Variants in CNTLN observed in about 807,000 individuals in gnomAD.
CNTLN encodes centlein.
CNTLN carries 212 observed loss-of-function variants against 180.0 expected under a neutral mutation model. The observed-to-expected ratio is 1.18, with a 90% CI of 1.05 to 1.32. CNTLN has a LOEUF of 1.32. Ranked by LOEUF, CNTLN falls within the 40% of genes most tolerant of loss-of-function variation. The pLI, the probability that CNTLN is intolerant of heterozygous loss-of-function variation, is 0.00. For synonymous variants in CNTLN, 722 were observed against 563.1 expected (o/e 1.28, Z -3.99); for missense variants, 2,095 against 1,610.9 (o/e 1.30, Z -5.14).
intron 11 of CNTLN, among the ~76,000 whole-genome samples, chr9:17,341,881 T>G (rs889955548): frequency 2.0e-5 from 3 of 152,150 alleles, no homozygotes; most frequent in Admixed American, 6.6e-5. Context: ...TAACTAATCA[T>G]TAGAAGAGTG....
chr9:17,185,859 C>T (rs1410291805), intron 2 of CNTLN, among the ~76,000 whole-genome samples: 1 of 151,190 alleles, frequency 6.6e-6, no homozygotes, highest in African/African-American at 2.4e-5. Flanking sequence ...GTGGTGAGCT[C>T]ATGCCTTACT....
intron 3 of CNTLN, among the ~76,000 whole-genome samples, chr9:17,233,510 C>T (rs543046232): frequency 6.6e-6 from 1 of 152,036 alleles, no homozygotes; most frequent in African/African-American, 2.4e-5. Flanking sequence ...GATTTAATGA[C>T]CCATTACTAG....
chr9:17,525,885 C>G, the CNTLN span, among the ~76,000 whole-genome samples: 1 of 152,254 alleles, frequency 6.6e-6, no homozygotes, highest in East Asian at 1.9e-4. Context: ...AATACATTAA[C>G]AAAGCATACA....
chr9:17,269,585 C>T (rs1382749636), intron 5 of CNTLN, among the ~76,000 whole-genome samples: 1 of 151,808 alleles, frequency 6.6e-6, no homozygotes, highest in African/African-American at 2.4e-5. Context: ...TCCAGTTTTC[C>T]TTCTGTAATT....
chr9:17,384,461 A>G (rs10810781), intron 13 of CNTLN, among the ~76,000 whole-genome samples: 76,085 of 151,978 alleles, frequency 0.5, 20,315 homozygotes, highest in Non-Finnish European at 0.59. Flanking sequence ...CCTCCTGCCC[A>G]GGTAAACTCA....
intron 5 of CNTLN, among the ~76,000 whole-genome samples, chr9:17,237,491 AC>A (rs1825229484): frequency 6.6e-6 from 1 of 151,870 alleles, no homozygotes; most frequent in Non-Finnish European, 1.5e-5. Flanking sequence ...AAAAAAAACA[AC>A]ACAATTAAAA....
chr9:17,201,928 G>A lies in CNTLN; in HGVS notation c.450-24275G>A, dbSNP rs1329008143. ...TGTAGTTCTTTTAATTGACATGTTA[G>A]GGTGTCGATTTTAGATCTTTCCAGC... On this transcript the variant is annotated intron_variant, in intron 2 of 25. Coordinates refer to ENST00000380647, the MANE Select transcript of CNTLN (RefSeq NM_017738.4). Among the ~76,000 whole-genome samples, 4 of 152,012 alleles carry A rather than the reference G, an allele frequency of 2.6e-5. No homozygotes were observed. The East Asian group carries it at 7.7e-4, about 29-fold the overall frequency.
At chr9:17,450,629 C>T (rs902262952) in intron 18 of CNTLN, among the ~76,000 whole-genome samples, 1 of 152,174 alleles carries the variant, frequency 6.6e-6, no homozygotes, top group Non-Finnish European at 1.5e-5. Context: ...CTAAAGGCTA[C>T]TGAAGTCTAA....
At chr9:17,254,180 C>T (rs1826328530) in intron 5 of CNTLN, among the ~76,000 whole-genome samples, 1 of 151,544 alleles carries the variant, frequency 6.6e-6, no homozygotes, top group African/African-American at 2.4e-5. Flanking sequence ...GCTTCTTGGC[C>T]ACTTGTATAT....
chr9:17,383,591 A>C (rs1825437189), intron 13 of CNTLN, among the ~76,000 whole-genome samples: 1 of 152,152 alleles, frequency 6.6e-6, no homozygotes, highest in African/African-American at 2.4e-5. Flanking sequence ...ATAGAGAAAT[A>C]TTAAAGTAAA....
intron 2 of CNTLN, among the ~76,000 whole-genome samples, chr9:17,145,563 G>A (rs1449881594): frequency 6.6e-6 from 1 of 152,134 alleles, no homozygotes; most frequent in African/African-American, 2.4e-5. Flanking sequence ...TTTCCCCCCT[G>A]GAATTTCTCA....
At chr9:17,142,388 A>C (rs1221730618) in intron 1 of CNTLN, among the ~76,000 whole-genome samples, 1 of 152,172 alleles carries the variant, frequency 6.6e-6, no homozygotes, top group Non-Finnish European at 1.5e-5. Flanking sequence ...TGAATAAATG[A>C]ATAGATGGCA....
At chr9:17,217,857 AG>A (rs1823866337) in intron 2 of CNTLN, among the ~76,000 whole-genome samples, 1 of 152,184 alleles carries the variant, frequency 6.6e-6, no homozygotes, top group Non-Finnish European at 1.5e-5. Context: ...AAACAGAAAA[AG>A]GTTTTGTTTT....
chr9:17,344,404 A>T (rs572131320), intron 12 of CNTLN, among the ~76,000 whole-genome samples: 3 of 152,266 alleles, frequency 2.0e-5, no homozygotes, highest in African/African-American at 7.2e-5. Flanking sequence ...TAAGGAAAAA[A>T]TTTTTAAAAG....
intron 2 of CNTLN, among the ~76,000 whole-genome samples, chr9:17,207,598 C>G (rs940809159): frequency 1.3e-5 from 2 of 152,084 alleles, no homozygotes; most frequent in Non-Finnish European, 2.9e-5. Flanking sequence ...GGAGGGAGGT[C>G]CCCCAGCTCC....
intron 20 of CNTLN, among the ~76,000 whole-genome samples, chr9:17,464,222 A>G (rs957316959): frequency 6.6e-6 from 1 of 151,298 alleles, no homozygotes; most frequent in Non-Finnish European, 1.5e-5. Context: ...CTAAGTTTTC[A>G]TAAGTGTTAT....
chr9:17,518,909 C>A, the CNTLN span, among the ~76,000 whole-genome samples: 5 of 152,114 alleles, frequency 3.3e-5, no homozygotes, highest in African/African-American at 1.2e-4. Flanking sequence ...TAAGCTTCTG[C>A]TGTGAAAAGC....
At chr9:17,257,922 T>C (rs1826634578) in intron 5 of CNTLN, among the ~76,000 whole-genome samples, 1 of 137,994 alleles carries the variant, frequency 7.2e-6, no homozygotes, top group African/African-American at 2.8e-5. Flanking sequence ...TCCCATTTTG[T>C]GGGTTGCCTG....
intron 2 of CNTLN, among the ~76,000 whole-genome samples, chr9:17,161,238 T>C (rs1395483497): frequency 1.3e-5 from 2 of 152,106 alleles, no homozygotes; most frequent in Non-Finnish European, 2.9e-5. Flanking sequence ...AATATTATTT[T>C]CTATGATATG....
Sources: gnomAD v4.1 joint callset for allele counts (sites outside exome capture counted in the v4.1 genomes callset) on GRCh38, gnomAD v4.1.1 for gene constraint, MANE v1.5 for transcripts, NCBI Gene and HGNC (gene_info 2026-07-23, HGNC 2026-07-21) for gene names.